WWOX: variants seen among roughly 807,000 people sequenced by gnomAD.
The protein encoded by WWOX is WW domain containing oxidoreductase.
A neutral mutation model predicts 46.2 loss-of-function variants in WWOX; 69 were observed. The ratio of observed to expected loss-of-function variants is 1.49; its 90% CI spans 1.23 to 1.82. WWOX has a LOEUF of 1.82. Ranked by LOEUF, WWOX falls within the 40% of genes most tolerant of loss-of-function variation. The pLI, the probability that WWOX is intolerant of heterozygous loss-of-function variation, is 0.00. For synonymous variants in WWOX, 359 were observed against 202.6 expected (o/e 1.77, Z -6.56); for missense variants, 919 against 542.6 (o/e 1.69, Z -6.89).
At chr16:78,230,414 A>G (rs192687045) in intron 5 of WWOX, among the ~76,000 whole-genome samples, 153 of 152,292 alleles carry the variant, frequency 1.0e-3, no homozygotes, top group African/African-American at 3.5e-3. Context: ...GCATCCTTTG[A>G]TTGGGCCATG....
At chr16:79,136,366 G>C (rs563458579) in intron 8 of WWOX, among the ~76,000 whole-genome samples, 6 of 152,194 alleles carry the variant, frequency 3.9e-5, no homozygotes, top group African/African-American at 1.4e-4. Flanking sequence ...AAGTAGCTGG[G>C]ATTACAGGCA....
At position 78,866,472 on chromosome 16, in the gene WWOX, C is replaced by A. The variant is rs1462146642; in HGVS notation, c.1057-345136C>A. Reference sequence around the variant, plus strand: ...TTCTTGCATATCAGCTGTGTGGGTACCTCTTGTTCCTCTGTCCTTCAGGTT... The same window carrying A: ...TTCTTGCATATCAGCTGTGTGGGTAACTCTTGTTCCTCTGTCCTTCAGGTT... On this transcript the variant is annotated intron_variant, in intron 8 of 8. Transcript: ENST00000566780. 2.0e-5 allele frequency among the ~76,000 whole-genome samples: 3 copies of A among 151,964 alleles called. No individual in the cohort carries two copies. In the South Asian group the frequency reaches 6.2e-4, roughly 32 times the overall value.
At chr16:79,048,750 G>A (rs1051308181) in intron 8 of WWOX, among the ~76,000 whole-genome samples, 6 of 152,034 alleles carry the variant, frequency 3.9e-5, no homozygotes, top group African/African-American at 1.2e-4. Context: ...CCAGCACTCC[G>A]GCTGCTGCCA....
chr16:78,840,823 T>C (rs1444023067), intron 8 of WWOX, among the ~76,000 whole-genome samples: 1 of 152,138 alleles, frequency 6.6e-6, no homozygotes, highest in Non-Finnish European at 1.5e-5. Flanking sequence ...ATTTGTGGTC[T>C]GTGTTTCTTA....
intron 8 of WWOX, among the ~76,000 whole-genome samples, chr16:78,727,452 T>C (rs1199097882): frequency 6.6e-6 from 1 of 152,080 alleles, no homozygotes; most frequent in Non-Finnish European, 1.5e-5. Context: ...GTCCTGGTGA[T>C]CTGAATACAT....
intron 8 of WWOX, among the ~76,000 whole-genome samples, chr16:79,048,076 T>C (rs533367112): frequency 8.5e-5 from 13 of 152,208 alleles, no homozygotes; most frequent in African/African-American, 3.1e-4. Flanking sequence ...TCTTCTAGGA[T>C]ATCAGGGGAA....
chr16:78,469,515 G>T (rs920705850), intron 8 of WWOX, among the ~76,000 whole-genome samples: 15 of 152,196 alleles, frequency 9.9e-5, no homozygotes, highest in African/African-American at 3.6e-4. Flanking sequence ...TACCCATTCA[G>T]TTTAAACTAG....
intron 8 of WWOX, among the ~76,000 whole-genome samples, chr16:78,648,915 C>T (rs2046904966): frequency 1.3e-5 from 2 of 152,042 alleles, no homozygotes; most frequent in South Asian, 4.2e-4. Context: ...TAATTTTTTC[C>T]CACATGGCTT....
intron 8 of WWOX, among the ~76,000 whole-genome samples, chr16:79,123,833 T>G (rs1033464249): frequency 6.6e-6 from 1 of 152,146 alleles, no homozygotes; most frequent in African/African-American, 2.4e-5. Context: ...ATCCGATTAG[T>G]GAATCAAGAG....
At chr16:78,579,014 C>G (rs904290088) in intron 8 of WWOX, among the ~76,000 whole-genome samples, 1 of 152,192 alleles carries the variant, frequency 6.6e-6, no homozygotes, top group Non-Finnish European at 1.5e-5. Context: ...CATTATACAT[C>G]TTAGGCATTT....
chr16:78,513,782 C>G (rs1311691721), intron 8 of WWOX, among the ~76,000 whole-genome samples: 3 of 152,182 alleles, frequency 2.0e-5, no homozygotes, highest in Non-Finnish European at 4.4e-5. Context: ...ATTTTCCAAA[C>G]TTACGTCACC....
intron 7 of WWOX, among the ~76,000 whole-genome samples, chr16:78,428,557 A>G (rs1597070967): frequency 6.6e-6 from 1 of 152,272 alleles, no homozygotes; most frequent in Middle Eastern, 3.4e-3. Context: ...GGTTTTGTCT[A>G]ATTTGTCATC....
At chr16:78,918,454 A>C (rs1244573895) in intron 8 of WWOX, among the ~76,000 whole-genome samples, 1 of 150,504 alleles carries the variant, frequency 6.6e-6, no homozygotes, top group Non-Finnish European at 1.5e-5. Context: ...CTGGACTGTC[A>C]CTTGGTTGTT....
At chr16:79,053,145 G>C (rs776206961) in intron 8 of WWOX, among the ~76,000 whole-genome samples, 1 of 152,078 alleles carries the variant, frequency 6.6e-6, no homozygotes, top group Non-Finnish European at 1.5e-5. Context: ...TGAACTCAAC[G>C]CTTTTAGGAA....
intron 5 of WWOX, among the ~76,000 whole-genome samples, chr16:78,194,002 C>G (rs1279028045): frequency 1.3e-5 from 2 of 151,514 alleles, no homozygotes; most frequent in Non-Finnish European, 2.9e-5. Flanking sequence ...CTCAGCCTCC[C>G]AAGTAGCTGG....
intron 8 of WWOX, among the ~76,000 whole-genome samples, chr16:78,571,287 C>T (rs2044709810): frequency 6.6e-6 from 1 of 152,100 alleles, no homozygotes; most frequent in Non-Finnish European, 1.5e-5. Context: ...AGGTAAATGA[C>T]TTGCCCAAGG....
At chr16:79,078,126 C>G (rs771193640) in intron 8 of WWOX, 3 of 152,234 alleles carry the variant, frequency 2.0e-5, no homozygotes, top group East Asian at 3.9e-4. Context: ...GGTGAAAGCT[C>G]TAGGACATAA....
intron 8 of WWOX, among the ~76,000 whole-genome samples, chr16:78,622,004 C>T (rs1484632492): frequency 2.0e-5 from 3 of 152,126 alleles, no homozygotes; most frequent in Admixed American, 6.5e-5. Flanking sequence ...CAATGTCATT[C>T]TTGGGCTAGT....
intron 8 of WWOX, among the ~76,000 whole-genome samples, chr16:79,036,190 A>G (rs1226345453): frequency 1.3e-5 from 2 of 152,146 alleles, no homozygotes; most frequent in Non-Finnish European, 2.9e-5. Context: ...ACCCTCTTCA[A>G]GTAGCGTCTC....
Sources: allele counts gnomAD v4.1 joint callset (sites outside exome capture counted in the v4.1 genomes callset), GRCh38; gene constraint gnomAD v4.1.1; transcripts MANE v1.5; gene names NCBI Gene and HGNC (gene_info 2026-07-23, HGNC 2026-07-21).